Variants in ACBD5 observed in about 807,000 individuals in gnomAD.
The protein encoded by ACBD5 is acyl-CoA-binding domain-containing protein 5.
Under a neutral mutation model 71.8 loss-of-function variants are expected in ACBD5, and 40 were observed. That is an observed-to-expected ratio of 0.56 (90% CI 0.43 to 0.72). ACBD5 has a LOEUF of 0.72. Ranked by LOEUF, ACBD5 falls within the 30% of genes least tolerant of loss-of-function variation. The probability of loss-of-function intolerance (pLI) is 0.00; values close to 1 mark genes in which losing one functional copy is unlikely to be tolerated. For missense variants in ACBD5, 559 were observed against 644.5 expected (o/e 0.87, Z 1.44); for synonymous variants, 229 against 218.6 (o/e 1.05, Z -0.42).
chr10:27,217,443 G>A (rs569264279), intron 7 of ACBD5, among the ~76,000 whole-genome samples: 4 of 143,744 alleles, frequency 2.8e-5, no homozygotes, highest in African/African-American at 1.0e-4. Context: ...GTGACAGAGC[G>A]AGACACCATC....
rs752934602 is a variant in ACBD5, at chr10:27,215,641, T to C, written c.830A>G (p.Asp277Gly). The C allele has an allele frequency of 1.2e-6, 2 of 1,601,348 alleles. No homozygotes were observed. The highest frequency in any genetic ancestry group is 3.3e-5 in the Admixed American group (2 of 59,818). The part of the protein sequence containing the change: ...TGKSAVCIHQ[D>G]INDDHVEDVT... Reference sequence around the variant, plus strand: ...ATCTTCAACATGATCATCATTTATATCTAAATATGAACAAAAGTGCAGATA... The same window carrying C: ...ATCTTCAACATGATCATCATTTATACCTAAATATGAACAAAAGTGCAGATA... Residue 277 changes from aspartate to glycine, a missense_variant and splice_region_variant, in exon 8 of 13, where the codon GAT becomes GGT. Coordinates refer to ENST00000396271, the MANE Select transcript of ACBD5 (RefSeq NM_145698.5).
At chr10:27,241,713 CAATA>C (rs2138673691), upstream of ACBD5, among the ~76,000 whole-genome samples, 1 of 147,342 alleles carries the variant, frequency 6.8e-6, no homozygotes, top group East Asian at 2.1e-4. Context: ...TTTAAGAAAC[CAATA>C]ATTAAAAAAA....
At chr10:27,189,274 G>A (rs1056153722) in intron 13 of ACBD5, among the ~76,000 whole-genome samples, 4 of 152,110 alleles carry the variant, frequency 2.6e-5, no homozygotes, top group Admixed American at 6.5e-5. Context: ...TGATCCACCC[G>A]CCTCAGCCTC....
At chr10:27,185,811 C>G (rs534084730) in intron 13 of ACBD5, among the ~76,000 whole-genome samples, 4 of 150,428 alleles carry the variant, frequency 2.7e-5, no homozygotes, top group Admixed American at 2.7e-4. Flanking sequence ...ATGTGAGTGC[C>G]GGGCATGGTG....
chr10:27,240,191 C>A lies in ACBD5; in HGVS notation c.181+128G>T. Reference sequence around the variant, plus strand: ...AAGGTAATTAATTCATATTCAATAGCTCCCCTTCCACTACATGGCTCCTAC... The same window carrying A: ...AAGGTAATTAATTCATATTCAATAGATCCCCTTCCACTACATGGCTCCTAC... On this transcript the variant is annotated intron_variant, in intron 2 of 12. Transcript: ENST00000396271. The surrounding 1 kb of genome is among the most constrained non-coding windows in gnomAD (Gnocchi z 4.1). The A allele has an allele frequency of 7.1e-7, 1 of 1,417,772 alleles. No individual in the cohort carries two copies. Among genetic ancestry groups the A allele is most frequent in the Non-Finnish European group, 9.7e-7 (1 of 1,034,618 alleles). 87.8% of individuals were successfully genotyped at this position (1,417,772 alleles called of 1,614,324 possible).
intron 4 of ACBD5, among the ~76,000 whole-genome samples, chr10:27,224,356 G>A (rs2137699600): frequency 6.6e-6 from 1 of 152,248 alleles, no homozygotes; most frequent in East Asian, 1.9e-4. Context: ...TCCAGCCTAG[G>A]CAACAGAGCG....
At position 27,206,763 on chromosome 10, in the gene ACBD5, G is replaced by A. The variant is rs1386936555; in HGVS notation, c.1404+1483C>T. On this transcript the variant is annotated intron_variant, in intron 10 of 12. Transcript: ENST00000396271. ...ACTCCTGGCCTCAAGTGATCCACTC[G>A]CCTCGGCCTCCCAAAGTGCTGAAAT... 2.6e-5 allele frequency among the ~76,000 whole-genome samples: 4 copies of A among 151,834 alleles called. No homozygotes were observed. In the East Asian group the frequency reaches 6.0e-4, roughly 23 times the overall value.
chr10:27,221,484 C>T (rs1242359824), intron 5 of ACBD5, among the ~76,000 whole-genome samples: 4 of 152,180 alleles, frequency 2.6e-5, no homozygotes, highest in African/African-American at 4.8e-5. Context: ...ACCTTTATTA[C>T]TATTATTTAC....
chr10:27,197,387 T>G lies in ACBD5; in HGVS notation c.*43A>C. 3 of 1,594,044 alleles carry G rather than the reference T, an allele frequency of 1.9e-6. No individual in the cohort carries two copies. The highest frequency in any genetic ancestry group is 2.6e-6 in the Non-Finnish European group (3 of 1,162,558). On this transcript the variant is annotated 3_prime_UTR_variant, in exon 13 of 13. Transcript: ENST00000396271. ...CACCACAATCCAGTTCATTCTGAGG[T>G]CATCCAGTTCCAGTAGTCTTCTTGA...
In ACBD5 at chr10:27,195,685, T is replaced by C. The variant is rs773143240; in HGVS notation, c.*1745A>G. ...TTTTTTAAAAGCAAATAGTAGTAGATCCCTTTAGACAGACATATTTTAATC... is the reference window on the plus strand; with the variant it reads ...TTTTTTAAAAGCAAATAGTAGTAGACCCCTTTAGACAGACATATTTTAATC... On this transcript the variant is annotated 3_prime_UTR_variant, in exon 13 of 13. Transcript: ENST00000396271. The C allele has an allele frequency of 1.2e-5, 5 of 423,246 alleles. No homozygotes were observed. The highest frequency in any genetic ancestry group is 8.6e-5 in the South Asian group (5 of 57,856). The allele number at this position is 423,246 out of a possible 1,614,324, so 26.2% of individuals were successfully genotyped here.
chr10:27,201,453 A>C lies in ACBD5; in HGVS notation c.1565+2987T>G, dbSNP rs530574039. ...TATATTATTCTACGCTAGAAAAAAA[A>C]CCAGCAGACTTTATGTATTAATTTT... On this transcript the variant is annotated intron_variant, in intron 12 of 12. Coordinates refer to ENST00000396271, the MANE Select transcript of ACBD5 (RefSeq NM_145698.5). 2.0e-4 allele frequency among the ~76,000 whole-genome samples: 30 copies of C among 152,298 alleles called. No individual in the cohort carries two copies. In the East Asian group the frequency reaches 4.8e-3, roughly 24 times the overall value.
intron 10 of ACBD5, among the ~76,000 whole-genome samples, chr10:27,207,625 C>T (rs1174530404): frequency 2.0e-5 from 3 of 152,292 alleles, no homozygotes; most frequent in East Asian, 3.9e-4. Context: ...ACTCAAGAAG[C>T]GGCAGCTGAG....
chr10:27,201,857 A>G (rs1247447614), intron 12 of ACBD5, among the ~76,000 whole-genome samples: 1 of 152,216 alleles, frequency 6.6e-6, no homozygotes, highest in East Asian at 1.9e-4. Flanking sequence ...CTGTGTCCAC[A>G]TGCATATTTA....
At chr10:27,189,336 T>C (rs2058961364) in intron 13 of ACBD5, among the ~76,000 whole-genome samples, 1 of 152,192 alleles carries the variant, frequency 6.6e-6, no homozygotes, top group African/African-American at 2.4e-5. Flanking sequence ...ATATACAGTT[T>C]GTATTAATAA....
At chr10:27,229,147 C>T (rs1352656206) in intron 4 of ACBD5, among the ~76,000 whole-genome samples, 1 of 151,432 alleles carries the variant, frequency 6.6e-6, no homozygotes, top group East Asian at 1.9e-4. Flanking sequence ...ATTCAATCAA[C>T]TTTCTCAGTG....
Position 27,218,096 on chromosome 10 carries a change from T to A in ACBD5, c.713A>T (p.Asp238Val). ...NGYDKDGFVQ[D>V]IQNDIHASSS... ...ACTGGCATGAATGTCATTCTGTATATCCTGAACAAAGCCATCTTTATCATA... is the reference window on the plus strand; with the variant it reads ...ACTGGCATGAATGTCATTCTGTATAACCTGAACAAAGCCATCTTTATCATA... The change falls in exon 7 of 13, where the codon GAT becomes GTT. Residue 238 changes from aspartate (D) to valine (V), a missense_variant. Asp to Val is a radical substitution (Grantham distance 152). Coordinates refer to ENST00000396271, the MANE Select transcript of ACBD5 (RefSeq NM_145698.5). 3.7e-6 allele frequency: 6 copies of A among 1,614,106 alleles called. No homozygotes were observed. Among genetic ancestry groups the A allele is most frequent in the African/African-American group, 1.3e-5 (1 of 75,058 alleles).
chr10:27,230,764 T>C (rs1200940558), intron 4 of ACBD5, among the ~76,000 whole-genome samples: 12 of 121,198 alleles, frequency 9.9e-5, no homozygotes, highest in African/African-American at 3.9e-4. Flanking sequence ...GCCACTGCAC[T>C]CCAGCCCGGG....
At chr10:27,238,272 C>T (rs1221349923) in intron 2 of ACBD5, among the ~76,000 whole-genome samples, 1 of 152,168 alleles carries the variant, frequency 6.6e-6, no homozygotes, top group East Asian at 1.9e-4. Context: ...CCACCGCACC[C>T]GGCCGATAGG....
chr10:27,222,874 C>T lies in ACBD5; in HGVS notation c.490+464G>A, dbSNP rs995568830. ...GGCATGAGCCACCACACCTGGCCAACATATCCATTTTAAAATTAGCTAGTA... is the reference window on the plus strand; with the variant it reads ...GGCATGAGCCACCACACCTGGCCAATATATCCATTTTAAAATTAGCTAGTA... On this transcript the variant is annotated intron_variant, in intron 5 of 12. Coordinates refer to ENST00000396271, the MANE Select transcript of ACBD5 (RefSeq NM_145698.5). 2.6e-5 allele frequency among the ~76,000 whole-genome samples: 4 copies of T among 152,128 alleles called. No individual in the cohort carries two copies. In the East Asian group the frequency reaches 7.7e-4, roughly 29 times the overall value.
Sources: gnomAD v4.1 joint callset for allele counts (sites outside exome capture counted in the v4.1 genomes callset) on GRCh38, gnomAD v4.1.1 for gene constraint, Gnocchi (gnomAD v3.1) non-coding constraint, MANE v1.5 for transcripts, NCBI Gene and HGNC (gene_info 2026-07-23, HGNC 2026-07-21) for gene names.